Variants in KIF26B observed in about 807,000 individuals in gnomAD.
KIF26B encodes kinesin-like protein KIF26B.
Under a neutral mutation model 151.2 loss-of-function variants are expected in KIF26B, and 63 were observed. The ratio of observed to expected loss-of-function variants is 0.42; its 90% CI spans 0.34 to 0.51. The LOEUF is 0.51. Ranked by LOEUF, KIF26B falls within the 20% of genes least tolerant of loss-of-function variation. KIF26B has a pLI of 0.07. For missense variants in KIF26B, 2,813 were observed against 2,913.6 expected (o/e 0.97, Z 0.79); for synonymous variants, 1,357 against 1,262.1 (o/e 1.08, Z -1.59).
rs1364465979 is a variant in KIF26B, at chr1:245,156,574, C to T, written c.356C>T (p.Ser119Phe). The change falls in exon 2 of 15, where the codon TCC (serine) becomes TTC (phenylalanine). Residue 119 changes from serine to phenylalanine, a missense_variant. Coordinates refer to ENST00000407071, the MANE Select transcript of KIF26B (RefSeq NM_018012.4). Reference protein sequence around the residue: ...GSPGSGSGGGSSPGSDRGVWC... With the variant: ...GSPGSGSGGGFSPGSDRGVWC... ...CCGGGCTCCGGCAGCGGCGGCGGCT[C>T]CTCCCCCGGCTCGGACCGCGGCGTC... The T allele has an allele frequency of 1.3e-6, 2 of 1,529,512 alleles. No individual in the cohort carries two copies. The highest frequency in any genetic ancestry group is 2.0e-5 in the Admixed American group (1 of 51,168). The allele number at this position is 1,529,512 out of a possible 1,614,324, so 94.7% of individuals were successfully genotyped here.
In KIF26B at chr1:245,189,169, A is replaced by T. The variant is rs182768572; in HGVS notation, c.465+32486A>T. 8.3e-4 allele frequency among the ~76,000 whole-genome samples: 127 copies of T among 152,340 alleles called. 2 individuals are homozygous for T. The highest frequency in any genetic ancestry group is 1.4e-3 in the South Asian group (7 of 4,832). On this transcript the variant is annotated intron_variant, in intron 2 of 14. Transcript: ENST00000407071. ...GTGAACGTACTGAATGCCACTGCACACTTGAAAGTGGCTAATATAGTCAAG... is the reference window on the plus strand; with the variant it reads ...GTGAACGTACTGAATGCCACTGCACTCTTGAAAGTGGCTAATATAGTCAAG...
rs960295789 is a variant in KIF26B, at chr1:245,227,180, G to T, written c.465+70497G>T. ...CAGTTGCGGAGAGGCGTGTGTGTCTGTCTGGTTGAGCTGAAACGTGGGCAG... is the reference window on the plus strand; with the variant it reads ...CAGTTGCGGAGAGGCGTGTGTGTCTTTCTGGTTGAGCTGAAACGTGGGCAG... On this transcript the variant is annotated intron_variant, in intron 2 of 14. Coordinates refer to ENST00000407071, the MANE Select transcript of KIF26B (RefSeq NM_018012.4). The surrounding 1 kb of genome is among the most constrained non-coding windows in gnomAD (Gnocchi z 4.1). Among the ~76,000 whole-genome samples, 1 of 152,172 alleles carries T rather than the reference G, an allele frequency of 6.6e-6. No individual in the cohort carries two copies. The highest frequency in any genetic ancestry group is 6.5e-5 in the Admixed American group (1 of 15,276).
At chr1:245,171,033 C>G (rs1668698605) in intron 2 of KIF26B, among the ~76,000 whole-genome samples, 1 of 152,172 alleles carries the variant, frequency 6.6e-6, no homozygotes, top group Non-Finnish European at 1.5e-5. Flanking sequence ...AGGCTTTGGA[C>G]TACCTTGGAG....
Position 245,686,544 on chromosome 1 carries a change from G to A in KIF26B, c.3561G>A (p.Glu1187=), listed in dbSNP as rs2044523439. The A allele has an allele frequency of 6.2e-7, 1 of 1,613,106 alleles. No individual in the cohort carries two copies. The highest frequency in any genetic ancestry group is 2.2e-5 in the East Asian group (1 of 44,888). Reference sequence around the variant, plus strand: ...CACTGGAGCTGAACGGTGAGGACGAGCTGGTGTTCACGCTGGTGGAGGAGC... The same window carrying A: ...CACTGGAGCTGAACGGTGAGGACGAACTGGTGTTCACGCTGGTGGAGGAGC... ...QQPLELNGED[E]LVFTLVEELT... is the part of the protein sequence containing the mutation. Residue 1187 remains glutamate, a synonymous_variant, in exon 12 of 15, where the codon GAG becomes GAA. Coordinates refer to ENST00000407071, the MANE Select transcript of KIF26B (RefSeq NM_018012.4). The surrounding 1 kb of genome is among the most constrained non-coding windows in gnomAD (Gnocchi z 5.6).
rs143213547 is a variant in KIF26B at position 245,700,863 on chromosome 1, C to T, written c.6179-1595C>T. On this transcript the variant is annotated intron_variant, in intron 14 of 14. Transcript: ENST00000407071. ...GCGCTGTGCTTATCCCTCCCCGCTG[C>T]GGATACCCTTTTCCTTGTTTCAGGA... 3.5e-4 allele frequency among the ~76,000 whole-genome samples: 53 copies of T among 152,336 alleles called. 1 individual carries two copies. The highest frequency in any genetic ancestry group is 1.1e-3 in the African/African-American group (46 of 41,580).
intron 4 of KIF26B, among the ~76,000 whole-genome samples, chr1:245,501,149 C>G (rs887976022): frequency 6.6e-6 from 1 of 152,168 alleles, no homozygotes; most frequent in Non-Finnish European, 1.5e-5. Context: ...GTAATTTACT[C>G]GAGGCAATCT....
intron 4 of KIF26B, among the ~76,000 whole-genome samples, chr1:245,521,634 A>G (rs936069954): frequency 2.6e-5 from 4 of 152,074 alleles, no homozygotes; most frequent in Non-Finnish European, 4.4e-5. Context: ...ACATGCAACA[A>G]GGCTTACTTC....
At chr1:245,464,912 A>T (rs1227403961) in intron 4 of KIF26B, among the ~76,000 whole-genome samples, 1 of 152,086 alleles carries the variant, frequency 6.6e-6, no homozygotes, top group Non-Finnish European at 1.5e-5. Flanking sequence ...TCGAATGCAC[A>T]GGAGCCACGT....
intron 2 of KIF26B, among the ~76,000 whole-genome samples, chr1:245,350,037 GTA>G (rs572210450): frequency 1.3e-5 from 2 of 150,152 alleles, no homozygotes; most frequent in East Asian, 4.1e-4. Flanking sequence ...AGTGCAGAGA[GTA>G]TATATATATA....
chr1:245,657,667 C>G (rs1349500961), intron 10 of KIF26B, among the ~76,000 whole-genome samples: 1 of 152,174 alleles, frequency 6.6e-6, no homozygotes, highest in African/African-American at 2.4e-5. Flanking sequence ...ACCCCACCCC[C>G]ACAGTCACAT....
At chr1:245,232,550 TG>T (rs1290828666) in intron 2 of KIF26B, among the ~76,000 whole-genome samples, 2 of 151,070 alleles carry the variant, frequency 1.3e-5, no homozygotes, top group Non-Finnish European at 2.9e-5. Flanking sequence ...TGGTTTCATT[TG>T]TTTTTTTTTT....
chr1:245,298,719 T>G (rs1671377891), intron 2 of KIF26B, among the ~76,000 whole-genome samples: 1 of 152,214 alleles, frequency 6.6e-6, no homozygotes, highest in Admixed American at 6.5e-5. Flanking sequence ...AGATATGTCT[T>G]TAAGGCAGGA....
chr1:245,309,779 A>G lies in KIF26B; in HGVS notation c.466-57055A>G, dbSNP rs141393026. ...CCAGAGAACTCTGGCGAATACAGAC[A>G]TTCCATATGCAAAGAGAGGCCGCGT... On this transcript the variant is annotated intron_variant, in intron 2 of 14. Coordinates refer to ENST00000407071, the MANE Select transcript of KIF26B (RefSeq NM_018012.4). Among the ~76,000 whole-genome samples, 171 of 147,566 alleles carry G rather than the reference A, an allele frequency of 1.2e-3. No homozygotes were observed. The East Asian group carries it at 0.013, about 11-fold the overall frequency.
chr1:245,156,275 C>T lies in KIF26B; in HGVS notation c.64-7C>T, dbSNP rs1240281355. On this transcript the variant is annotated splice_region_variant and splice_polypyrimidine_tract_variant and intron_variant, in intron 1 of 14. Coordinates refer to ENST00000407071, the MANE Select transcript of KIF26B (RefSeq NM_018012.4). ...CAGCCCCTGACACCGGCGTGTCTTC[C>T]CCGCAGGTGAATGAAGTCTGCTCGC... is the stretch of plus-strand genomic sequence containing the variant. 7 of 1,545,410 alleles carry T rather than the reference C, an allele frequency of 4.5e-6. No homozygotes were observed. The highest frequency in any genetic ancestry group is 5.2e-6 in the Non-Finnish European group (6 of 1,145,528).
intron 4 of KIF26B, among the ~76,000 whole-genome samples, chr1:245,500,657 C>A (rs565750063): frequency 3.9e-5 from 6 of 152,314 alleles, no homozygotes; most frequent in African/African-American, 1.4e-4. Flanking sequence ...CATCCAAGGC[C>A]AGGCAGCTTA....
chr1:245,598,612 G>A (rs528426577), intron 5 of KIF26B, among the ~76,000 whole-genome samples: 7 of 152,132 alleles, frequency 4.6e-5, no homozygotes, highest in East Asian at 3.9e-4. Flanking sequence ...GTGTGGCAGC[G>A]ATCACCTCCA....
chr1:245,677,113 C>G (rs1013371536), intron 10 of KIF26B, among the ~76,000 whole-genome samples: 13 of 152,148 alleles, frequency 8.5e-5, no homozygotes, highest in Non-Finnish European at 1.5e-4. Context: ...AGTTCAAGAC[C>G]TCTGCCAACC....
chr1:245,562,091 C>T (rs186635762), intron 5 of KIF26B, among the ~76,000 whole-genome samples: 40 of 152,264 alleles, frequency 2.6e-4, no homozygotes, highest in East Asian at 5.8e-4. Context: ...TGATACTCGT[C>T]CTCCAGCCGT....
chr1:245,418,387 T>C (rs890499718), intron 3 of KIF26B, among the ~76,000 whole-genome samples: 3 of 152,268 alleles, frequency 2.0e-5, no homozygotes, highest in Admixed American at 1.3e-4. Flanking sequence ...CGTTGAATAA[T>C]GCCAAGGCTT....
Sources: allele counts gnomAD v4.1 joint callset (sites outside exome capture counted in the v4.1 genomes callset), GRCh38; gene constraint gnomAD v4.1.1; non-coding constraint Gnocchi (gnomAD v3.1); transcripts MANE v1.5; gene names NCBI Gene and HGNC (gene_info 2026-07-23, HGNC 2026-07-21).